Variants in NR1D2 observed in about 807,000 individuals in gnomAD.
NR1D2 encodes V-erbA-related protein 1-related.
NR1D2 carries 25 observed loss-of-function variants against 52.2 expected under a neutral mutation model. That is an observed-to-expected ratio of 0.48 (90% CI 0.35 to 0.67). The LOEUF is 0.67. NR1D2 is among the 30% of genes least tolerant of loss of function. The probability of loss-of-function intolerance (pLI) is 0.01; values close to 1 mark genes in which losing one functional copy is unlikely to be tolerated. For synonymous variants in NR1D2, 259 were observed against 230.1 expected (o/e 1.13, Z -1.14); for missense variants, 681 against 707.2 (o/e 0.96, Z 0.42).
chr3:23,971,301 C>CCATTTTTTTTT (rs201185985), intron 7 of NR1D2, among the ~76,000 whole-genome samples: 1 of 110,850 alleles, frequency 9.0e-6, no homozygotes, highest in Non-Finnish European at 1.8e-5. Flanking sequence ...ATCTCTATAC[C>CCATTTTTTTTT]TATTTTTTTT....
chr3:23,974,913 G>A (rs1706683648), intron 7 of NR1D2, among the ~76,000 whole-genome samples: 1 of 151,142 alleles, frequency 6.6e-6, no homozygotes, highest in African/African-American at 2.4e-5. Context: ...CCATCCCCTG[G>A]GTTCAAGTGA....
At chr3:23,965,457 G>A (rs1189208091) in intron 6 of NR1D2, among the ~76,000 whole-genome samples, 2 of 150,320 alleles carry the variant, frequency 1.3e-5, no homozygotes, top group African/African-American at 2.5e-5. Context: ...TTGTGGCCCA[G>A]GCTGGTCTCA....
rs758363900 is a variant in NR1D2 at position 23,954,828 on chromosome 3, A to C, written c.283+25A>C. ...AGTAAGTTACTTTGGTTTTCTAAAG[A>C]TTGCTGCCATTAATTGCAAATGGGG... On this transcript the variant is annotated intron_variant, in intron 2 of 7. Transcript: ENST00000312521. 47 of 1,604,692 alleles carry C rather than the reference A, an allele frequency of 2.9e-5. 1 individual carries two copies. In the East Asian group the frequency reaches 1.1e-3, roughly 36 times the overall value.
chr3:23,958,321 A>G (rs1328083969), intron 3 of NR1D2, among the ~76,000 whole-genome samples: 1 of 151,990 alleles, frequency 6.6e-6, no homozygotes, highest in Non-Finnish European at 1.5e-5. Context: ...GATTATAGCT[A>G]TCAAACATAT....
chr3:23,945,984 T>C, intron 1 of NR1D2: 3 of 508,928 alleles, frequency 5.9e-6, no homozygotes, highest in Non-Finnish European at 7.6e-6. Context: ...GCCGCTCGGC[T>C]CCCTGACCCA....
chr3:23,946,232 C>A, intron 1 of NR1D2: 1 of 985,438 alleles, frequency 1.0e-6, no homozygotes, highest in Non-Finnish European at 1.2e-6. Flanking sequence ...GTGCACCGGA[C>A]GCCGCACGCT....
intron 4 of NR1D2, 102 bp from the exon 5 acceptor site, chr3:23,961,875 G>A: frequency 1.9e-6 from 2 of 1,073,700 alleles, no homozygotes; most frequent in Non-Finnish European, 2.6e-6. Context: ...TTCTTTATAT[G>A]TATGACTAGA....
At chr3:23,970,176 A>G (rs764396703) in intron 7 of NR1D2, among the ~76,000 whole-genome samples, 1 of 152,216 alleles carries the variant, frequency 6.6e-6, no homozygotes, top group Non-Finnish European at 1.5e-5. Context: ...TAGGTAAGTC[A>G]TTAGTGCTAG....
chr3:23,969,420 A>T (rs759683635), intron 7 of NR1D2, among the ~76,000 whole-genome samples: 4 of 152,218 alleles, frequency 2.6e-5, no homozygotes, highest in Admixed American at 6.5e-5. Flanking sequence ...CTCTACCTGG[A>T]TAACTAAAAA....
In NR1D2 at chr3:23,977,525, CAAT is replaced by C; in HGVS notation, c.*109_*111del. On this transcript the variant is annotated 3_prime_UTR_variant, in exon 8 of 8. Coordinates refer to ENST00000312521, the MANE Select transcript of NR1D2 (RefSeq NM_005126.5). ...GTGGAGATAGAAAAGACCTTTAAGA[CAAT>C]AAAAGATTGTAGGCTATCTCTGTAA... 1 of 670,726 alleles carries C rather than the reference CAAT, an allele frequency of 1.5e-6. No individual in the cohort carries two copies. The highest frequency in any genetic ancestry group is 2.3e-6 in the Non-Finnish European group (1 of 428,752). 41.5% of individuals were successfully genotyped at this position (670,726 alleles called of 1,614,324 possible). A position where few individuals can be genotyped will look rare whatever the true frequency, so the allele number is the denominator to read the frequency against.
chr3:23,946,966 T>C (rs1019564357), intron 1 of NR1D2, among the ~76,000 whole-genome samples: 2 of 152,214 alleles, frequency 1.3e-5, no homozygotes, highest in Non-Finnish European at 2.9e-5. Flanking sequence ...TTGTGAACTT[T>C]TCACCAAAAG....
chr3:23,958,225 A>G (rs1419212174), intron 3 of NR1D2, among the ~76,000 whole-genome samples: 1 of 152,226 alleles, frequency 6.6e-6, no homozygotes, highest in African/African-American at 2.4e-5. Context: ...GATTTCTGTC[A>G]TGTATAAGTA....
In NR1D2 at chr3:23,962,241, A is replaced by G; in HGVS notation, c.782A>G (p.His261Arg). The change falls in exon 5 of 8, where the codon CAC (histidine) becomes CGC (arginine). Residue 261 changes from histidine (H) to arginine (R), a missense_variant. Coordinates refer to ENST00000312521, the MANE Select transcript of NR1D2 (RefSeq NM_005126.5). ...GTGATTGGCATGGTGACCAGAGCTC[A>G]CAAGGATACCTTTATGTATAATCAA... Reference protein sequence around the residue: ...EEVIGMVTRAHKDTFMYNQEQ... With the variant: ...EEVIGMVTRARKDTFMYNQEQ... 6.2e-7 allele frequency: 1 copy of G among 1,614,242 alleles called. No individual in the cohort carries two copies. The highest frequency in any genetic ancestry group is 8.5e-7 in the Non-Finnish European group (1 of 1,180,044).
At chr3:23,949,752 A>G (rs151186436) in intron 1 of NR1D2, among the ~76,000 whole-genome samples, 1 of 152,356 alleles carries the variant, frequency 6.6e-6, no homozygotes, top group East Asian at 1.9e-4. Flanking sequence ...TGGTGATAAA[A>G]TGTTTTGTTC....
At chr3:23,961,714 C>T (rs1486200261) in intron 4 of NR1D2, among the ~76,000 whole-genome samples, 1 of 152,036 alleles carries the variant, frequency 6.6e-6, no homozygotes, top group Non-Finnish European at 1.5e-5. Flanking sequence ...TATTTCTTTT[C>T]TTAGACTTTG....
chr3:23,950,054 G>T (rs1037350510), intron 1 of NR1D2, among the ~76,000 whole-genome samples: 3 of 152,194 alleles, frequency 2.0e-5, no homozygotes, highest in Non-Finnish European at 4.4e-5. Flanking sequence ...TTAGCTCAGG[G>T]TTTCAAAGAG....
intron 1 of NR1D2, among the ~76,000 whole-genome samples, chr3:23,949,738 T>C (rs187664657): frequency 1.9e-4 from 29 of 152,370 alleles, no homozygotes; most frequent in African/African-American, 6.7e-4. Flanking sequence ...AAACTAAAGC[T>C]TCTTGGTGAT....
At position 23,979,385 on chromosome 3, in the gene NR1D2, A is replaced by G. The variant is rs926346400; in HGVS notation, c.*1966A>G. 4 of 152,110 alleles carry G rather than the reference A, an allele frequency of 2.6e-5. No homozygotes were observed. Among genetic ancestry groups the G allele is most frequent in the African/African-American group, 7.2e-5 (3 of 41,456 alleles). The allele number at this position is 152,110 out of a possible 1,614,324, so 9.4% of individuals were successfully genotyped here. ...TAGTTTTCTTCTATGGGTGATAGAA[A>G]CAGCTTTTTGAAGTAATGAAAACCT... On this transcript the variant is annotated 3_prime_UTR_variant, in exon 8 of 8. Coordinates refer to ENST00000312521, the MANE Select transcript of NR1D2 (RefSeq NM_005126.5).
In NR1D2 at chr3:23,945,606, A is replaced by T; in HGVS notation, c.16+12A>T. Reference sequence around the variant, plus strand: ...GGAGGTGAATGCAGGTAAGAACCGGACTGCGGCGGGTGGGGGATGGCCGGA... The same window carrying T: ...GGAGGTGAATGCAGGTAAGAACCGGTCTGCGGCGGGTGGGGGATGGCCGGA... On this transcript the variant is annotated intron_variant, in intron 1 of 7. Coordinates refer to ENST00000312521, the MANE Select transcript of NR1D2 (RefSeq NM_005126.5). 8.6e-7 allele frequency: 1 copy of T among 1,156,732 alleles called. No homozygotes were observed. Among genetic ancestry groups the T allele is most frequent in the Non-Finnish European group, 1.1e-6 (1 of 933,470 alleles). 71.7% of individuals were successfully genotyped at this position (1,156,732 alleles called of 1,614,324 possible).
Sources: allele counts gnomAD v4.1 joint callset (sites outside exome capture counted in the v4.1 genomes callset), GRCh38; gene constraint gnomAD v4.1.1; transcripts MANE v1.5; gene names NCBI Gene and HGNC (gene_info 2026-07-23, HGNC 2026-07-21).